YEATS2: variants seen among roughly 807,000 people sequenced by gnomAD.
The protein encoded by YEATS2 is YEATS domain containing 2, also known as YEATS domain-containing protein 2.
Under a neutral mutation model 163.2 loss-of-function variants are expected in YEATS2, and 77 were observed. That is an observed-to-expected ratio of 0.47 (90% CI 0.39 to 0.57). The LOEUF is 0.57. Among genes scored for constraint, YEATS2 ranks in the 20% least tolerant of loss-of-function variants. The pLI is 0.00. For synonymous variants in YEATS2, 631 were observed against 645.1 expected (o/e 0.98, Z 0.33); for missense variants, 1,549 against 1,729.8 (o/e 0.90, Z 1.85).
At chr3:183,734,302 C>A (rs1049771860) in intron 7 of YEATS2, among the ~76,000 whole-genome samples, 2 of 152,170 alleles carry the variant, frequency 1.3e-5, no homozygotes, top group Non-Finnish European at 2.9e-5. Context: ...AAGCATGGCC[C>A]TGGAGCCTAT....
chr3:183,721,583 A>C (rs982921379), intron 4 of YEATS2, among the ~76,000 whole-genome samples: 1 of 152,182 alleles, frequency 6.6e-6, no homozygotes, highest in Admixed American at 6.5e-5. Flanking sequence ...TGTGTAAAGC[A>C]ATGTGAGACT....
chr3:183,730,065 T>G (rs1450174323), intron 7 of YEATS2, among the ~76,000 whole-genome samples: 1,883 of 97,990 alleles, frequency 0.019, 78 homozygotes, highest in Non-Finnish European at 0.026. Context: ...TTTTTTTTTT[T>G]TTTTTTTTTT....
At chr3:183,768,575 T>G (rs1027999152) in intron 15 of YEATS2, among the ~76,000 whole-genome samples, 14 of 152,156 alleles carry the variant, frequency 9.2e-5, no homozygotes, top group Non-Finnish European at 1.9e-4. Flanking sequence ...ACAGAAAAGT[T>G]CTTGATCAGT....
At chr3:183,737,125 T>C (rs545257279) in intron 8 of YEATS2, among the ~76,000 whole-genome samples, 1 of 152,318 alleles carries the variant, frequency 6.6e-6, no homozygotes, top group African/African-American at 2.4e-5. Context: ...ATAGAAAATA[T>C]ATTTATTATT....
intron 18 of YEATS2, among the ~76,000 whole-genome samples, chr3:183,777,028 T>G (rs1431522809): frequency 6.6e-6 from 1 of 152,118 alleles, no homozygotes; most frequent in Non-Finnish European, 1.5e-5. Flanking sequence ...CTATGCTAAT[T>G]GCCTCCAAAA....
intron 25 of YEATS2, chr3:183,802,643 A>G (rs1461096396): frequency 7.2e-5 from 11 of 151,864 alleles, no homozygotes; most frequent in African/African-American, 2.7e-4. Context: ...TAGATGAGAA[A>G]ACCGAGCTGG....
chr3:183,743,290 C>G (rs2109220322), intron 8 of YEATS2, among the ~76,000 whole-genome samples: 1 of 152,208 alleles, frequency 6.6e-6, no homozygotes, highest in African/African-American at 2.4e-5. Flanking sequence ...TTCTCATGCC[C>G]TGTTTTTGGT....
chr3:183,772,545 A>G lies in YEATS2; in HGVS notation c.2188A>G (p.Ser730Gly). 9.3e-6 allele frequency: 15 copies of G among 1,613,992 alleles called. No homozygotes were observed. Among genetic ancestry groups the G allele is most frequent in the Non-Finnish European group, 1.3e-5 (15 of 1,180,028 alleles). Residue 730 changes from serine to glycine, a missense_variant, in exon 16 of 31, where the codon AGT (serine) becomes GGT (glycine). By Grantham distance (56) the Ser-to-Gly change is moderately conservative. Coordinates refer to ENST00000305135, the MANE Select transcript of YEATS2 (RefSeq NM_018023.5). ...GGTTACTGCCGCTGGTCCTCAGAAG[A>G]GTGGATCCCAGGGTTCAGGTAAAAC... ...AQVTAAGPQK[S>G]GSQGSVMATL... is the part of the protein sequence containing the mutation.
intron 19 of YEATS2, among the ~76,000 whole-genome samples, chr3:183,778,199 A>G (rs546562158): frequency 1.3e-5 from 2 of 152,176 alleles, no homozygotes; most frequent in South Asian, 4.1e-4. Flanking sequence ...TTGGGAAAAT[A>G]TAAGTAGAAT....
At chr3:183,803,966 A>G (rs371210872) in intron 26 of YEATS2, 21 bp from the exon 27 acceptor site, 103 of 1,612,816 alleles carry the variant, frequency 6.4e-5, no homozygotes, top group Non-Finnish European at 7.1e-5. Flanking sequence ...TATGGTTCCA[A>G]AAGAAAATTT....
intron 19 of YEATS2, among the ~76,000 whole-genome samples, chr3:183,784,018 A>G (rs1723823084): frequency 6.6e-6 from 1 of 152,082 alleles, no homozygotes; most frequent in Admixed American, 6.6e-5. Flanking sequence ...CAGTTCTCCC[A>G]TCCCAACCTC....
intron 19 of YEATS2, among the ~76,000 whole-genome samples, chr3:183,782,737 T>G (rs759022711): frequency 2.6e-5 from 4 of 152,180 alleles, no homozygotes; most frequent in Non-Finnish European, 4.4e-5. Context: ...GTGATTCTAT[T>G]TTTGTTCCAT....
chr3:183,757,102 A>G (rs949711993), intron 12 of YEATS2, among the ~76,000 whole-genome samples: 1 of 151,980 alleles, frequency 6.6e-6, no homozygotes, highest in African/African-American at 2.4e-5. Context: ...TTCAAGGAAG[A>G]CCCATTCTGC....
intron 24 of YEATS2, 41 bp from the exon 25 acceptor site, chr3:183,801,413 TG>T: frequency 6.9e-7 from 1 of 1,447,634 alleles, no homozygotes; most frequent in African/African-American, 1.4e-5. Flanking sequence ...AACTGCTACA[TG>T]TATTTAATTT....
At chr3:183,787,121 A>AT (rs1324183105) in intron 20 of YEATS2, among the ~76,000 whole-genome samples, 2 of 151,984 alleles carry the variant, frequency 1.3e-5, no homozygotes, top group East Asian at 1.9e-4. Context: ...TGTCCGGCTA[A>AT]TTTTTTGTAT....
chr3:183,726,006 C>T (rs558928194), intron 6 of YEATS2, among the ~76,000 whole-genome samples: 50 of 151,828 alleles, frequency 3.3e-4, no homozygotes, highest in Non-Finnish European at 5.4e-4. Flanking sequence ...TAAGTCTTTT[C>T]GGTCACCCAT....
At chr3:183,746,031 GC>G (rs1331414239) in intron 8 of YEATS2, among the ~76,000 whole-genome samples, 1 of 152,006 alleles carries the variant, frequency 6.6e-6, no homozygotes, top group East Asian at 1.9e-4. Context: ...TTGAGGTCTC[GC>G]CATGTTGCCC....
At chr3:183,797,841 A>G (rs1725304048) in intron 21 of YEATS2, 82 bp from the exon 22 acceptor site, 2 of 1,560,738 alleles carry the variant, frequency 1.3e-6, no homozygotes, top group African/African-American at 2.7e-5. Flanking sequence ...CCTCCATGAC[A>G]AAATATGGGT....
At chr3:183,713,544 T>C (rs1715489686) in intron 1 of YEATS2, among the ~76,000 whole-genome samples, 1 of 152,068 alleles carries the variant, frequency 6.6e-6, no homozygotes, top group African/African-American at 2.4e-5. Context: ...GCCTGGGCAA[T>C]AGAGTGAGAC....
Sources: allele counts gnomAD v4.1 joint callset (sites outside exome capture counted in the v4.1 genomes callset), GRCh38; gene constraint gnomAD v4.1.1; transcripts MANE v1.5; gene names NCBI Gene and HGNC (gene_info 2026-07-23, HGNC 2026-07-21).